Variants in TMEM117 observed in about 807,000 individuals in gnomAD.
The protein encoded by TMEM117 is transmembrane protein 117.
In TMEM117, 27 loss-of-function variants were observed where a neutral mutation model predicts 52.4. The ratio of observed to expected loss-of-function variants is 0.51; its 90% CI spans 0.38 to 0.71. The LOEUF (loss-of-function observed/expected upper bound fraction) is 0.71, where lower values mean the gene tolerates loss of function less well. Among genes scored for constraint, TMEM117 ranks in the 30% least tolerant of loss-of-function variants. The pLI, the probability that TMEM117 is intolerant of heterozygous loss-of-function variation, is 0.00. For synonymous variants in TMEM117, 215 were observed against 206.3 expected (o/e 1.04, Z -0.36); for missense variants, 556 against 630.5 (o/e 0.88, Z 1.26).
At chr12:44,281,675 G>T (rs1950578910) in intron 5 of TMEM117, among the ~76,000 whole-genome samples, 1 of 152,068 alleles carries the variant, frequency 6.6e-6, no homozygotes, top group Non-Finnish European at 1.5e-5. Flanking sequence ...ACTTGATACA[G>T]TTAGTTAAGA....
At chr12:44,262,982 T>C (rs1950337643) in intron 5 of TMEM117, among the ~76,000 whole-genome samples, 1 of 152,234 alleles carries the variant, frequency 6.6e-6, no homozygotes, top group Non-Finnish European at 1.5e-5. Flanking sequence ...AGACTTTGTT[T>C]TAATCTGTGC....
chr12:44,361,719 T>C (rs765524782), intron 6 of TMEM117, among the ~76,000 whole-genome samples: 2 of 152,124 alleles, frequency 1.3e-5, no homozygotes, highest in Non-Finnish European at 2.9e-5. Flanking sequence ...CACGGTAGTC[T>C]GTTGTGACGC....
In TMEM117 at chr12:44,283,646, C is replaced by T. The variant is rs572582743; in HGVS notation, c.609-15934C>T. 9.9e-5 allele frequency among the ~76,000 whole-genome samples: 15 copies of T among 152,192 alleles called. No individual in the cohort carries two copies. In the East Asian group the frequency reaches 1.9e-3, roughly 20 times the overall value. On this transcript the variant is annotated intron_variant, in intron 5 of 7. Coordinates refer to ENST00000266534, the MANE Select transcript of TMEM117 (RefSeq NM_032256.3). ...GCTTTTGATTTTACAGGCTCATAGA[C>T]GGAAGGGACTTGCCTTGTCTCAGAT...
intron 4 of TMEM117, among the ~76,000 whole-genome samples, chr12:44,146,407 C>T (rs1948642685): frequency 6.6e-6 from 1 of 152,232 alleles, no homozygotes; most frequent in East Asian, 1.9e-4. Context: ...GGTTGAACCT[C>T]ACAATGTGAT....
chr12:43,966,704 GCTGA>G (rs947391280), intron 3 of TMEM117, among the ~76,000 whole-genome samples: 15 of 152,092 alleles, frequency 9.9e-5, no homozygotes, highest in South Asian at 2.1e-4. Context: ...CTTGTATCAG[GCTGA>G]CTATTTAAGA....
chr12:44,376,465 C>T, intron 6 of TMEM117, 130 bp from the exon 7 acceptor site: 1 of 1,079,032 alleles, frequency 9.3e-7, no homozygotes, highest in Non-Finnish European at 1.4e-6. Flanking sequence ...CAGAATGAAA[C>T]TGATATATCC....
intron 2 of TMEM117, among the ~76,000 whole-genome samples, chr12:43,874,157 T>C (rs1358301344): frequency 1.3e-5 from 2 of 152,162 alleles, no homozygotes; most frequent in East Asian, 3.8e-4. Context: ...TTCAGTAACA[T>C]TGTAGGAAGG....
chr12:43,925,152 C>A (rs915153008), intron 2 of TMEM117, among the ~76,000 whole-genome samples: 2 of 152,080 alleles, frequency 1.3e-5, no homozygotes, highest in Non-Finnish European at 2.9e-5. Context: ...ACTTTCACAA[C>A]CTACCCTTGG....
At chr12:44,276,925 T>C (rs2138583432) in intron 5 of TMEM117, among the ~76,000 whole-genome samples, 1 of 151,916 alleles carries the variant, frequency 6.6e-6, no homozygotes, top group South Asian at 2.1e-4. Context: ...TGTGTGTGTG[T>C]GTGTGTGTAA....
chr12:44,395,044 A>G, the TMEM117 span, among the ~76,000 whole-genome samples: 1 of 152,248 alleles, frequency 6.6e-6, no homozygotes, highest in Non-Finnish European at 1.5e-5. Context: ...ACTAGAAAAT[A>G]TCTGCATTTA....
intron 5 of TMEM117, among the ~76,000 whole-genome samples, chr12:44,277,761 C>CTTTTTTTTTTTTT (rs35687259): frequency 1.0e-5 from 1 of 95,504 alleles, no homozygotes; most frequent in Non-Finnish European, 1.9e-5. Context: ...AAACTCTGAG[C>CTTTTTTTTTTTTT]TTTTTTTTTT....
At chr12:44,319,880 C>T (rs1391837760) in intron 6 of TMEM117, among the ~76,000 whole-genome samples, 2 of 152,104 alleles carry the variant, frequency 1.3e-5, no homozygotes, top group African/African-American at 2.4e-5. Flanking sequence ...AATTTCCTTC[C>T]TCTAGCTGTC....
chr12:44,032,236 A>C (rs932593849), intron 3 of TMEM117, among the ~76,000 whole-genome samples: 4 of 152,254 alleles, frequency 2.6e-5, no homozygotes, highest in Admixed American at 2.6e-4. Flanking sequence ...TAAAATGGCC[A>C]AGTGTAATAA....
rs534713087 is a variant in TMEM117 at position 44,045,000 on chromosome 12, G to A, written c.411-98525G>A. On this transcript the variant is annotated intron_variant, in intron 3 of 7. Transcript: ENST00000266534. ...GAGATATGTGGATGGAACTCTCTGA[G>A]TGGTTAGAAACTGTGAAGATATTTG... is the stretch of plus-strand genomic sequence containing the variant. Among the ~76,000 whole-genome samples the A allele has an allele frequency of 4.6e-5, 7 of 152,358 alleles. No homozygotes were observed. In the East Asian group the frequency reaches 1.4e-3, roughly 29 times the overall value.
intron 2 of TMEM117, among the ~76,000 whole-genome samples, chr12:43,921,264 C>T (rs1944689013): frequency 6.6e-6 from 1 of 152,004 alleles, no homozygotes. Context: ...ATTATTTTTC[C>T]CCAGAACATG....
chr12:44,189,073 G>T (rs1949317961), intron 4 of TMEM117, among the ~76,000 whole-genome samples: 1 of 151,824 alleles, frequency 6.6e-6, no homozygotes, highest in South Asian at 2.1e-4. Flanking sequence ...AGGAATATTT[G>T]AATTATTCTC....
intron 5 of TMEM117, among the ~76,000 whole-genome samples, chr12:44,267,671 T>C (rs563614862): frequency 2.6e-4 from 39 of 152,182 alleles, no homozygotes; most frequent in Non-Finnish European, 5.4e-4. Context: ...TGACCCTCCT[T>C]TCTCCCTCCA....
chr12:44,359,006 C>G (rs925786320), intron 6 of TMEM117, among the ~76,000 whole-genome samples: 1 of 151,966 alleles, frequency 6.6e-6, no homozygotes, highest in Non-Finnish European at 1.5e-5. Context: ...GGACATTATC[C>G]CATTAAATCT....
upstream of TMEM117, among the ~76,000 whole-genome samples, chr12:43,833,810 A>G (rs1043850114): frequency 1.3e-5 from 2 of 151,194 alleles, no homozygotes; most frequent in African/African-American, 4.9e-5. Flanking sequence ...AAAAAAAAAT[A>G]GGCTGGGCAT....
Sources: gnomAD v4.1 joint callset for allele counts (sites outside exome capture counted in the v4.1 genomes callset) on GRCh38, gnomAD v4.1.1 for gene constraint, MANE v1.5 for transcripts, NCBI Gene and HGNC (gene_info 2026-07-23, HGNC 2026-07-21) for gene names.